Variants in ESR2 observed in about 807,000 individuals in gnomAD.
ESR2 encodes estrogen receptor 2, also known as estrogen receptor beta.
In ESR2, 36 loss-of-function variants were observed where a neutral mutation model predicts 49.6. The observed-to-expected ratio is 0.73, with a 90% confidence interval of 0.56 to 0.96. The LOEUF (loss-of-function observed/expected upper bound fraction) is 0.96, where lower values mean the gene tolerates loss of function less well. ESR2 is among the 40% of genes least tolerant of loss of function. ESR2 has a pLI of 0.00. For synonymous variants in ESR2, 320 were observed against 266.1 expected (o/e 1.20, Z -1.97); for missense variants, 714 against 693.0 (o/e 1.03, Z -0.34).
upstream of ESR2, among the ~76,000 whole-genome samples, chr14:64,298,648 T>C (rs1294150489): frequency 6.6e-6 from 1 of 152,150 alleles, no homozygotes. Context: ...ACCAGGACCA[T>C]GAGACAAGGT....
chr14:64,227,102 T>A (rs1228979095), downstream of ESR2: 1 of 168,390 alleles, frequency 5.9e-6, no homozygotes, highest in Non-Finnish European at 1.3e-5. Context: ...GCATTTCCCC[T>A]TTCTTATTGG....
intron 7 of ESR2, among the ~76,000 whole-genome samples, chr14:64,243,715 G>T (rs1273653451): frequency 6.6e-6 from 1 of 152,180 alleles, no homozygotes; most frequent in African/African-American, 2.4e-5. Flanking sequence ...TGAACTGCAA[G>T]GTTTTTCCCA....
At chr14:64,238,291 T>C (rs2075648436) in intron 7 of ESR2, among the ~76,000 whole-genome samples, 1 of 152,114 alleles carries the variant, frequency 6.6e-6, no homozygotes, top group Non-Finnish European at 1.5e-5. Flanking sequence ...CCACAGCGGT[T>C]TGGGGAGGTG....
chr14:64,296,922 C>T (rs2076964338), upstream of ESR2, among the ~76,000 whole-genome samples: 1 of 152,160 alleles, frequency 6.6e-6, no homozygotes, highest in African/African-American at 2.4e-5. Context: ...TGGTTTAATG[C>T]AGAGTGGAGA....
chr14:64,266,003 C>T (rs1374355724), intron 4 of ESR2, among the ~76,000 whole-genome samples: 1 of 152,178 alleles, frequency 6.6e-6, no homozygotes, highest in Non-Finnish European at 1.5e-5. Flanking sequence ...TCTCTATGGT[C>T]AGTGAAGGGC....
At chr14:64,303,458 A>T (rs1224221281) in intron 1 of ESR2, 1 of 151,262 alleles carries the variant, frequency 6.6e-6, no homozygotes, top group Non-Finnish European at 1.5e-5. Context: ...GACTGTTAGC[A>T]AAAAAGCTGA....
rs183393950 is a variant in ESR2 at position 64,271,985 on chromosome 14, T to G, written c.536-3074A>C. Among the ~76,000 whole-genome samples the G allele has an allele frequency of 2.2e-4, 33 of 152,342 alleles. 1 individual carries two copies. In the South Asian group the frequency reaches 4.6e-3, roughly 21 times the overall value. The stretch of plus-strand genomic sequence containing the variant: ...GTTTTTTGAGGAAACTTCAAACTGT[T>G]CTCCATAGTAGTTGTACTAATTTAC... On this transcript the variant is annotated intron_variant, in intron 3 of 8. Transcript: ENST00000341099.
intron 1 of ESR2, chr14:64,303,652 G>A (rs905707740): frequency 6.6e-6 from 1 of 152,162 alleles, no homozygotes; most frequent in East Asian, 1.9e-4. Context: ...ACAGGTTGAT[G>A]TCTCCCTCTA....
At chr14:64,257,976 G>A (rs2076138252) in intron 5 of ESR2, among the ~76,000 whole-genome samples, 1 of 152,136 alleles carries the variant, frequency 6.6e-6, no homozygotes, top group African/African-American at 2.4e-5. Flanking sequence ...CAGCACTTTG[G>A]GAGGTCAAGG....
At chr14:64,268,570 T>C (rs2076377363) in intron 4 of ESR2, among the ~76,000 whole-genome samples, 1 of 152,212 alleles carries the variant, frequency 6.6e-6, no homozygotes, top group Non-Finnish European at 1.5e-5. Flanking sequence ...AGCTCTTCTC[T>C]ACCTGGGGCC....
chr14:64,253,814 C>T (rs2738415), intron 6 of ESR2, among the ~76,000 whole-genome samples: 2,419 of 152,136 alleles, frequency 0.016, 27 homozygotes, highest in Non-Finnish European at 0.022. Flanking sequence ...ATATACAATT[C>T]CACGGACCTA....
chr14:64,241,347 C>G (rs925386266), intron 7 of ESR2, among the ~76,000 whole-genome samples: 3 of 152,136 alleles, frequency 2.0e-5, no homozygotes, highest in African/African-American at 7.2e-5. Context: ...CTATTTGTTT[C>G]TGTTGACATC....
chr14:64,328,546 A>G (rs2077417318), intron 1 of ESR2, among the ~76,000 whole-genome samples: 1 of 152,226 alleles, frequency 6.6e-6, no homozygotes, highest in Admixed American at 6.5e-5. Context: ...GGGTAGTAGG[A>G]TAATATTATA....
At position 64,267,097 on chromosome 14, in the gene ESR2, T is replaced by G. The variant is rs563174434; in HGVS notation, c.652+1698A>C. Among the ~76,000 whole-genome samples the G allele has an allele frequency of 5.3e-5, 8 of 152,342 alleles. No individual in the cohort carries two copies. In the East Asian group the frequency reaches 1.5e-3, roughly 29 times the overall value. On this transcript the variant is annotated intron_variant, in intron 4 of 8. Coordinates refer to ENST00000341099, the MANE Select transcript of ESR2 (RefSeq NM_001437.3). The stretch of plus-strand genomic sequence containing the variant: ...GGTTTCACCCTGTTGACCAGGATGG[T>G]CTTGATCTCTTGACCTCATGATTTG...
intron 7 of ESR2, among the ~76,000 whole-genome samples, chr14:64,249,201 C>G (rs987505235): frequency 4.6e-5 from 7 of 152,156 alleles, no homozygotes; most frequent in African/African-American, 1.7e-4. Context: ...AGGAGGACCC[C>G]AGACATAAGT....
intron 7 of ESR2, 79 bp from the exon 8 acceptor site, chr14:64,235,229 T>G: frequency 6.8e-7 from 1 of 1,462,912 alleles, no homozygotes; most frequent in Non-Finnish European, 9.3e-7. Context: ...TCCGTGCGCC[T>G]GCTCCGAGGT....
chr14:64,316,895 A>T (rs2077262574), intron 1 of ESR2, among the ~76,000 whole-genome samples: 1 of 152,212 alleles, frequency 6.6e-6, no homozygotes, highest in Non-Finnish European at 1.5e-5. Flanking sequence ...TATCAAATCA[A>T]ATTCAGCAAT....
At chr14:64,269,996 C>T (rs555649057) in intron 3 of ESR2, among the ~76,000 whole-genome samples, 9 of 152,144 alleles carry the variant, frequency 5.9e-5, no homozygotes, top group African/African-American at 2.2e-4. Flanking sequence ...AGGACAGCTA[C>T]ATGGGTTTGA....
intron 1 of ESR2, among the ~76,000 whole-genome samples, chr14:64,332,876 T>A (rs2077480001): frequency 1.3e-5 from 2 of 148,424 alleles, no homozygotes; most frequent in Admixed American, 6.7e-5. Context: ...CACAAATCTT[T>A]TTTTTTTTTT....
Sources: allele counts gnomAD v4.1 joint callset (sites outside exome capture counted in the v4.1 genomes callset), GRCh38; gene constraint gnomAD v4.1.1; transcripts MANE v1.5; gene names NCBI Gene and HGNC (gene_info 2026-07-23, HGNC 2026-07-21).